Variants in PLXNC1 observed in about 807,000 individuals in gnomAD.
PLXNC1 encodes plexin-C1.
A neutral mutation model predicts 178.2 loss-of-function variants in PLXNC1; 75 were observed. The ratio of observed to expected loss-of-function variants is 0.42; its 90% CI spans 0.35 to 0.51. The LOEUF (loss-of-function observed/expected upper bound fraction) is 0.51. Among genes scored for constraint, PLXNC1 ranks in the 20% least tolerant of loss-of-function variants. The pLI is 0.02. For missense variants in PLXNC1, 1,503 were observed against 1,984.4 expected (o/e 0.76, Z 4.61); for synonymous variants, 790 against 779.9 (o/e 1.01, Z -0.22).
intron 21 of PLXNC1, among the ~76,000 whole-genome samples, chr12:94,267,422 A>C (rs927637794): frequency 1.3e-5 from 2 of 152,202 alleles, no homozygotes; most frequent in Admixed American, 6.5e-5. Context: ...TCATCATCAT[A>C]ATGTTACTTG....
At chr12:94,183,073 G>A (rs933181355) in intron 3 of PLXNC1, among the ~76,000 whole-genome samples, 1 of 152,210 alleles carries the variant, frequency 6.6e-6, no homozygotes, top group African/African-American at 2.4e-5. Context: ...AAAGTGCAAA[G>A]AAGATAATTG....
chr12:94,251,518 T>G lies in PLXNC1; in HGVS notation c.2871T>G (p.Ile957Met). The G allele has an allele frequency of 6.2e-7, 1 of 1,601,916 alleles. No individual in the cohort carries two copies. Among genetic ancestry groups the G allele is most frequent in the Non-Finnish European group, 8.6e-7 (1 of 1,168,806 alleles). ...TTGTGCTCCCTGTCTTGCTAGTGAT[T>G]GTCATTTTTGGTAAGTGCCCTGTTT... ...FLIVLPVLLV[I>M]VIFAAVGVTR... The change falls in exon 15 of 31, where the codon ATT (isoleucine) becomes ATG (methionine). Residue 957 changes from isoleucine (I) to methionine (M), a missense_variant. Ile to Met is a conservative substitution (Grantham distance 10). Around this residue, in one of 4 missense-constraint regions of PLXNC1, gnomAD observed 639 missense variants for 979.7 expected, o/e 0.65. Coordinates refer to ENST00000258526, the MANE Select transcript of PLXNC1 (RefSeq NM_005761.3).
chr12:94,208,142 C>T (rs1963359831), intron 4 of PLXNC1, among the ~76,000 whole-genome samples: 1 of 152,200 alleles, frequency 6.6e-6, no homozygotes, highest in South Asian at 2.1e-4. Flanking sequence ...GACGGATGAG[C>T]TAGCCATCAA....
In PLXNC1 at chr12:94,260,911, C is replaced by G. The variant is rs1964973981; in HGVS notation, c.3450+71C>G. The G allele has an allele frequency of 7.7e-7, 1 of 1,306,438 alleles. No homozygotes were observed. The highest frequency in any genetic ancestry group is 1.1e-6 in the Non-Finnish European group (1 of 915,670). 80.9% of individuals were successfully genotyped at this position (1,306,438 alleles called of 1,614,324 possible). On this transcript the variant is annotated intron_variant, in intron 20 of 30. Coordinates refer to ENST00000258526, the MANE Select transcript of PLXNC1 (RefSeq NM_005761.3). The surrounding 1 kb of genome is among the most constrained non-coding windows in gnomAD (Gnocchi z 4.4). Reference sequence around the variant, plus strand: ...AGTTATTTTTAGCGGACTCTGATGCCTTTGCCAGGATAAATCCTGAATGCT... The same window carrying G: ...AGTTATTTTTAGCGGACTCTGATGCGTTTGCCAGGATAAATCCTGAATGCT...
chr12:94,150,388 T>A (rs1476225530), intron 1 of PLXNC1, among the ~76,000 whole-genome samples: 1 of 152,206 alleles, frequency 6.6e-6, no homozygotes, highest in African/African-American at 2.4e-5. Flanking sequence ...CATTCGCTTC[T>A]CCAGACTTCT....
chr12:94,238,499 AG>A (rs201586438), intron 10 of PLXNC1, among the ~76,000 whole-genome samples: 5 of 151,962 alleles, frequency 3.3e-5, no homozygotes, highest in South Asian at 2.1e-4. Context: ...AAAAAAAAAA[AG>A]TGATGTGATA....
chr12:94,200,708 T>C (rs1387040692), intron 4 of PLXNC1, among the ~76,000 whole-genome samples: 1 of 152,224 alleles, frequency 6.6e-6, no homozygotes, highest in East Asian at 1.9e-4. Context: ...GCTGCTGTTT[T>C]TTTAAATGGC....
intron 4 of PLXNC1, among the ~76,000 whole-genome samples, chr12:94,195,595 G>A (rs1053263500): frequency 6.6e-6 from 1 of 152,106 alleles, no homozygotes; most frequent in African/African-American, 2.4e-5. Context: ...TAAGGTATCT[G>A]TATGCGTCCT....
At position 94,196,384 on chromosome 12, in the gene PLXNC1, G is replaced by A. The variant is rs370265125; in HGVS notation, c.1439+9911G>A. On this transcript the variant is annotated intron_variant, in intron 4 of 30. Coordinates refer to ENST00000258526, the MANE Select transcript of PLXNC1 (RefSeq NM_005761.3). ...AGATCTGGTTGTTTAAGAGAGTGTGGCACCTGCCCCCTCACAGTCTTGCTC... is the reference window on the plus strand; with the variant it reads ...AGATCTGGTTGTTTAAGAGAGTGTGACACCTGCCCCCTCACAGTCTTGCTC... 1.7e-4 allele frequency among the ~76,000 whole-genome samples: 26 copies of A among 152,106 alleles called. 1 individual carries two copies. In the East Asian group the frequency reaches 4.8e-3, roughly 28 times the overall value.
In PLXNC1 at chr12:94,260,249, G is replaced by C. The variant is rs887549059; in HGVS notation, c.3252-393G>C. Among the ~76,000 whole-genome samples the C allele has an allele frequency of 6.6e-6, 1 of 151,880 alleles. No individual in the cohort carries two copies. The highest frequency in any genetic ancestry group is 2.4e-5 in the African/African-American group (1 of 41,322). ...TTTGTTGTTGTTGTAGTAGAGATGG[G>C]GTCTTGCTATATTGCCCAGGCTGGT... is the stretch of plus-strand genomic sequence containing the variant. On this transcript the variant is annotated intron_variant, in intron 19 of 30. Coordinates refer to ENST00000258526, the MANE Select transcript of PLXNC1 (RefSeq NM_005761.3). This position sits in a 1 kb window ranked among gnomAD's most constrained non-coding sequence, Gnocchi z 4.4.
chr12:94,231,521 G>A (rs1964102160), intron 9 of PLXNC1, among the ~76,000 whole-genome samples: 1 of 152,104 alleles, frequency 6.6e-6, no homozygotes, highest in African/African-American at 2.4e-5. Context: ...GCTAATCCAA[G>A]GATCTGGTAC....
At chr12:94,249,937 G>GTGGGGGGC (rs1964631639) in intron 14 of PLXNC1, among the ~76,000 whole-genome samples, 1 of 132,038 alleles carries the variant, frequency 7.6e-6, no homozygotes, top group Non-Finnish European at 1.6e-5. Flanking sequence ...GTGTGGGGGG[G>GTGGGGGGC]TGGGGGGGTG....
At chr12:94,224,441 G>A in intron 7 of PLXNC1, 126 bp downstream of exon 7, 1 of 678,764 alleles carries the variant, frequency 1.5e-6, no homozygotes, top group South Asian at 1.6e-5. Flanking sequence ...TTGAAGCATG[G>A]TGTAATGGGA....
intron 21 of PLXNC1, among the ~76,000 whole-genome samples, chr12:94,279,068 C>T (rs1966223699): frequency 6.6e-6 from 1 of 152,038 alleles, no homozygotes; most frequent in Non-Finnish European, 1.5e-5. Context: ...TAGAACTGCA[C>T]TTCTGGGACT....
intron 2 of PLXNC1, 35 bp from the exon 3 acceptor site, chr12:94,181,411 G>C: frequency 8.0e-7 from 1 of 1,245,928 alleles, no homozygotes; most frequent in African/African-American, 1.6e-5. Context: ...GTATTAAATA[G>C]AAATCATGTT....
In PLXNC1 at chr12:94,240,589, G is replaced by T. The variant is rs1453787975; in HGVS notation, c.2225G>T (p.Cys742Phe). Residue 742 changes from cysteine to phenylalanine, a missense_variant, in exon 11 of 31, where the codon TGC becomes TTC. Cys to Phe is a radical substitution (Grantham distance 205). This residue lies in a region of PLXNC1 where 615 missense variants were observed against 698.6 expected (regional missense o/e 0.88). Coordinates refer to ENST00000258526, the MANE Select transcript of PLXNC1 (RefSeq NM_005761.3). ...TGTATCCAGTTTGATGGTGGGAACTGCTCTTCTGTGGGATCCTTATCCTAC... is the reference window on the plus strand; with the variant it reads ...TGTATCCAGTTTGATGGTGGGAACTTCTCTTCTGTGGGATCCTTATCCTAC... ...DVCIQFDGGN[C>F]SSVGSLSYIA... 7 of 1,613,840 alleles carry T rather than the reference G, an allele frequency of 4.3e-6. No homozygotes were observed. The highest frequency in any genetic ancestry group is 5.9e-6 in the Non-Finnish European group (7 of 1,179,718).
chr12:94,234,230 G>A (rs1324233281), intron 9 of PLXNC1, among the ~76,000 whole-genome samples: 1 of 152,060 alleles, frequency 6.6e-6, no homozygotes, highest in Admixed American at 6.5e-5. Context: ...TTCAATCATA[G>A]CAGTATTTTC....
chr12:94,269,344 A>G (rs891030867), intron 21 of PLXNC1, among the ~76,000 whole-genome samples: 18 of 152,228 alleles, frequency 1.2e-4, no homozygotes, highest in Admixed American at 4.6e-4. Flanking sequence ...CTGCAGAAAT[A>G]TTAATGCCTC....
At chr12:94,189,484 G>T (rs577016465) in intron 4 of PLXNC1, among the ~76,000 whole-genome samples, 1 of 152,256 alleles carries the variant, frequency 6.6e-6, no homozygotes, top group South Asian at 2.1e-4. Flanking sequence ...TTTGAGACCA[G>T]CCTGGGCAAC....
Sources: allele counts gnomAD v4.1 joint callset (sites outside exome capture counted in the v4.1 genomes callset), GRCh38; gene constraint gnomAD v4.1.1; regional missense constraint gnomAD v4.1.1; non-coding constraint Gnocchi (gnomAD v3.1); transcripts MANE v1.5; gene names NCBI Gene and HGNC (gene_info 2026-07-23, HGNC 2026-07-21).